Variants in TMEM74 observed in about 807,000 individuals in gnomAD.
TMEM74 encodes the protein transmembrane protein 74.
In TMEM74, 13 loss-of-function variants were observed where a neutral mutation model predicts 18.1. That is an observed-to-expected ratio of 0.72 (90% CI 0.47 to 1.14). The LOEUF (loss-of-function observed/expected upper bound fraction) is 1.14, where lower values mean the gene tolerates loss of function less well. TMEM74 is among the 50% of genes most tolerant of loss of function. TMEM74 has a pLI of 0.00. For missense variants in TMEM74, 372 were observed against 375.9 expected (o/e 0.99, Z 0.09); for synonymous variants, 159 against 146.6 (o/e 1.08, Z -0.61).
chr8:108,610,444 G>A (rs1812323544), intron 2 of TMEM74, among the ~76,000 whole-genome samples: 1 of 152,168 alleles, frequency 6.6e-6, no homozygotes, highest in Admixed American at 6.5e-5. Context: ...ATTCTAGTTG[G>A]AGGGTACAGT....
intron 2 of TMEM74, chr8:108,653,231 T>G (rs1196225326): frequency 1.3e-5 from 2 of 158,300 alleles, no homozygotes; most frequent in Non-Finnish European, 2.8e-5. Context: ...TTTGATATTC[T>G]GTCCACTTGA....
chr8:108,748,087 G>T (rs1214816786), intron 1 of TMEM74, among the ~76,000 whole-genome samples: 2 of 152,122 alleles, frequency 1.3e-5, no homozygotes, highest in Non-Finnish European at 2.9e-5. Flanking sequence ...CCAGTAATGG[G>T]ATTGCTGGGT....
intron 2 of TMEM74, among the ~76,000 whole-genome samples, chr8:108,620,608 T>C (rs879157228): frequency 1.3e-5 from 2 of 152,208 alleles, no homozygotes; most frequent in African/African-American, 4.8e-5. Context: ...GCATTTAAAC[T>C]CAGGTCTGTA....
At chr8:108,664,774 A>G (rs529861063) in intron 1 of TMEM74, among the ~76,000 whole-genome samples, 1 of 152,128 alleles carries the variant, frequency 6.6e-6, no homozygotes, top group African/African-American at 2.4e-5. Flanking sequence ...CAAGTAGAGG[A>G]TGTTAAGAGA....
At chr8:108,771,703 C>A (rs933182292) in intron 1 of TMEM74, among the ~76,000 whole-genome samples, 22 of 152,304 alleles carry the variant, frequency 1.4e-4, no homozygotes, top group African/African-American at 5.1e-4. Context: ...ACACCATGAG[C>A]AATCTCCCTG....
intron 1 of TMEM74, among the ~76,000 whole-genome samples, chr8:108,703,709 GCC>G: frequency 6.6e-6 from 1 of 152,246 alleles, no homozygotes; most frequent in Middle Eastern, 3.4e-3. Context: ...CCTACTACAT[GCC>G]AGAAACTGTA....
At chr8:108,689,701 C>T (rs111612734) in intron 1 of TMEM74, among the ~76,000 whole-genome samples, 2 of 152,106 alleles carry the variant, frequency 1.3e-5, no homozygotes, top group Admixed American at 6.6e-5. Context: ...TCCATTTGTG[C>T]GACCAACACA....
intron 2 of TMEM74, among the ~76,000 whole-genome samples, chr8:108,616,715 T>C (rs906977925): frequency 2.6e-5 from 4 of 152,148 alleles, no homozygotes; most frequent in African/African-American, 4.8e-5. Flanking sequence ...TCCAAGTTTG[T>C]TGCTAAGCTG....
exon 4 of TMEM74, chr8:108,606,982 T>G (rs369393564): frequency 6.6e-6 from 1 of 152,370 alleles, no homozygotes; most frequent in African/African-American, 2.4e-5. Context: ...TACTCCAAGA[T>G]GACTTTCATT....
At chr8:108,742,431 A>C (rs140171527) in intron 1 of TMEM74, among the ~76,000 whole-genome samples, 5 of 152,300 alleles carry the variant, frequency 3.3e-5, no homozygotes, top group East Asian at 3.9e-4. Context: ...TTACCACACT[A>C]TCTTTCATTT....
At chr8:108,649,965 A>G (rs1205902812) in intron 2 of TMEM74, among the ~76,000 whole-genome samples, 1 of 152,150 alleles carries the variant, frequency 6.6e-6, no homozygotes, top group Non-Finnish European at 1.5e-5. Context: ...CCTTCCCTAC[A>G]TTATAAAACT....
At chr8:108,683,077 T>C (rs1813131812) in intron 1 of TMEM74, among the ~76,000 whole-genome samples, 1 of 151,828 alleles carries the variant, frequency 6.6e-6, no homozygotes, top group South Asian at 2.1e-4. Flanking sequence ...TGCAGGATTA[T>C]CTAAGAAGGT....
intron 1 of TMEM74, among the ~76,000 whole-genome samples, chr8:108,761,161 A>T (rs139415596): frequency 3.3e-5 from 5 of 152,122 alleles, no homozygotes; most frequent in African/African-American, 1.2e-4. Flanking sequence ...TAAATATTAG[A>T]CTCTGGGGAT....
downstream of TMEM74, among the ~76,000 whole-genome samples, chr8:108,775,708 T>C (rs116576432): frequency 0.02 from 2,984 of 152,340 alleles, 97 homozygotes; most frequent in African/African-American, 0.068. Context: ...TTCAGCTTCA[T>C]ATTTTACTGT....
downstream of TMEM74, among the ~76,000 whole-genome samples, chr8:108,774,133 A>G (rs1814202416): frequency 6.6e-6 from 1 of 152,234 alleles, no homozygotes; most frequent in Admixed American, 6.5e-5. Context: ...AAAATAGTAG[A>G]AAAGCAAACA....
chr8:108,742,104 C>T (rs1439267072), intron 1 of TMEM74, among the ~76,000 whole-genome samples: 1 of 151,886 alleles, frequency 6.6e-6, no homozygotes, highest in East Asian at 1.9e-4. Context: ...AATGAGAAAT[C>T]ACAAACACAA....
intron 1 of TMEM74, among the ~76,000 whole-genome samples, chr8:108,689,988 A>T (rs1169328199): frequency 6.6e-6 from 1 of 152,152 alleles, no homozygotes; most frequent in Non-Finnish European, 1.5e-5. Flanking sequence ...TGCTCAAAGG[A>T]TAAACAACTT....
intron 1 of TMEM74, among the ~76,000 whole-genome samples, chr8:108,668,695 A>G (rs1470359943): frequency 6.6e-6 from 1 of 152,196 alleles, no homozygotes; most frequent in African/African-American, 2.4e-5. Context: ...ATAGTTGGGT[A>G]CTGGGTTTTT....
intron 1 of TMEM74, among the ~76,000 whole-genome samples, chr8:108,678,511 C>A (rs1813077349): frequency 6.6e-6 from 1 of 150,544 alleles, no homozygotes; most frequent in Non-Finnish European, 1.5e-5. Context: ...ATTACAGGCA[C>A]CCACCCCTGC....
Sources: gnomAD v4.1 joint callset for allele counts (sites outside exome capture counted in the v4.1 genomes callset) on GRCh38, gnomAD v4.1.1 for gene constraint, MANE v1.5 for transcripts, NCBI Gene and HGNC (gene_info 2026-07-23, HGNC 2026-07-21) for gene names.